The following CELF3 variants were observed in gnomAD, a reference collection of about 807,000 sequenced individuals.
The protein encoded by CELF3 is CAG repeat domain.
In CELF3, 26 loss-of-function variants were observed where a neutral mutation model predicts 59.6. The observed-to-expected ratio is 0.44, with a 90% CI of 0.32 to 0.61. The LOEUF (loss-of-function observed/expected upper bound fraction) is 0.61. Among genes scored for constraint, CELF3 ranks in the 20% least tolerant of loss-of-function variants. The pLI, the probability that CELF3 is intolerant of heterozygous loss-of-function variation, is 0.06. For missense variants in CELF3, 387 were observed against 627.2 expected, an observed-to-expected ratio of 0.62 and a Z score of 4.09; for synonymous variants, 245 against 250.7, an observed-to-expected ratio of 0.98 and a Z score of 0.22.
rs560544388 is a variant in CELF3 at position 151,708,876 on chromosome 1, C to G, written c.486+122G>C. 1.2e-5 allele frequency: 11 copies of G among 892,832 alleles called. 1 individual carries two copies. In the South Asian group the frequency reaches 1.8e-4, roughly 15 times the overall value. 55.3% of individuals were successfully genotyped at this position (892,832 alleles called of 1,614,324 possible). The stretch of plus-strand genomic sequence containing the variant: ...TCCCTAAGCAGTTTGGTTCTTCTGC[C>G]AGGACATTCCTTTCCAATAAATTCA... On this transcript the variant is annotated intron_variant, in intron 5 of 12. Transcript: ENST00000290583.
intron 7 of CELF3, 37 bp downstream of exon 7, chr1:151,707,470 T>C (rs750143562): frequency 1.2e-6 from 2 of 1,607,734 alleles, no homozygotes; most frequent in South Asian, 1.1e-5. Context: ...ACCCCTACCA[T>C]GCTTAGCTCC....
chr1:151,714,487 G>A (rs762094967), intron 2 of CELF3, 107 bp downstream of exon 2: 2 of 798,840 alleles, frequency 2.5e-6, no homozygotes, highest in Admixed American at 4.0e-5. Context: ...GGACTTCCTG[G>A]TGATGAGAGG....
rs1166025626 is a variant in CELF3, at chr1:151,709,498, A to G, written c.278-150T>C. ...GGGGCTGATGGTTGGGGAATGGGGT[A>G]TAGTTGCAGAGGGTGCTCATCCCAG... is the stretch of plus-strand genomic sequence containing the variant. On this transcript the variant is annotated intron_variant, in intron 3 of 12. Transcript: ENST00000290583. The surrounding 1 kb of genome is among the most constrained non-coding windows in gnomAD (Gnocchi z 4.9). 1.7e-6 allele frequency: 2 copies of G among 1,165,960 alleles called. No homozygotes were observed. Among genetic ancestry groups the G allele is most frequent in the East Asian group, 2.4e-5 (1 of 42,422 alleles). 72.2% of individuals were successfully genotyped at this position (1,165,960 alleles called of 1,614,324 possible). A position where few individuals can be genotyped will look rare whatever the true frequency, so the allele number is the denominator to read the frequency against.
At chr1:151,707,075 T>C (rs1349960690) in intron 8 of CELF3, 70 bp downstream of exon 8, 4 of 1,395,038 alleles carry the variant, frequency 2.9e-6, no homozygotes, top group Non-Finnish European at 3.8e-6. Flanking sequence ...GGAAGGTGTG[T>C]CCTGCCTCCC....
chr1:151,704,019 C>G (rs1234020789), intron 12 of CELF3, among the ~76,000 whole-genome samples: 1 of 152,168 alleles, frequency 6.6e-6, no homozygotes, highest in Non-Finnish European at 1.5e-5. Context: ...GCACGTCCCG[C>G]GAGCTGCCCC....
chr1:151,701,535 A>T lies in CELF3; in HGVS notation c.*1924T>A, dbSNP rs886206595. On this transcript the variant is annotated 3_prime_UTR_variant, in exon 13 of 13. Coordinates refer to ENST00000290583, the MANE Select transcript of CELF3 (RefSeq NM_007185.7). ...CTTTGGAATCTGACAAACTGGGTTC[A>T]ACTCCTACAGCCATGCCTTACTGGC... 2.0e-5 allele frequency among the ~76,000 whole-genome samples: 3 copies of T among 152,196 alleles called. No homozygotes were observed. The highest frequency in any genetic ancestry group is 4.4e-5 in the Non-Finnish European group (3 of 68,030).
chr1:151,704,568 C>G (rs1672350727), intron 12 of CELF3, among the ~76,000 whole-genome samples: 1 of 152,154 alleles, frequency 6.6e-6, no homozygotes, highest in South Asian at 2.1e-4. Context: ...GGGCTGATGT[C>G]CTCACTTCTC....
At position 151,709,681 on chromosome 1, in the gene CELF3, A is replaced by C. The variant is rs1672854420; in HGVS notation, c.277+62T>G. The C allele has an allele frequency of 6.6e-7, 1 of 1,509,982 alleles. No individual in the cohort carries two copies. 93.5% of individuals were successfully genotyped at this position (1,509,982 alleles called of 1,614,324 possible). A position where few individuals can be genotyped will look rare whatever the true frequency, so the allele number is the denominator to read the frequency against. ...CCTCAAGAAAGGCTACCCCTCGACAACTCCAGGCCCTGGGCCTGGGGGTGG... is the reference window on the plus strand; with the variant it reads ...CCTCAAGAAAGGCTACCCCTCGACACCTCCAGGCCCTGGGCCTGGGGGTGG... On this transcript the variant is annotated intron_variant, in intron 3 of 12. Transcript: ENST00000290583. This position sits in a 1 kb window ranked among gnomAD's most constrained non-coding sequence, Gnocchi z 4.9.
At chr1:151,708,893 A>G in intron 5 of CELF3, 105 bp downstream of exon 5, 2 of 1,036,712 alleles carry the variant, frequency 1.9e-6, no homozygotes, top group Non-Finnish European at 2.9e-6. Context: ...TTCCTTTCCA[A>G]TAAATTCAAA....
Position 151,707,311 on chromosome 1 carries a change from G to T in CELF3, c.773-17C>A. Reference sequence around the variant, plus strand: ...TGCTGGTTCCTGGGGAGGAGAAAGCGACAGGGAGAGAGCAGAGGAGCAGAC... The same window carrying T: ...TGCTGGTTCCTGGGGAGGAGAAAGCTACAGGGAGAGAGCAGAGGAGCAGAC... On this transcript the variant is annotated splice_polypyrimidine_tract_variant and intron_variant, in intron 7 of 12. Transcript: ENST00000290583. 6.4e-7 allele frequency: 1 copy of T among 1,566,004 alleles called. No individual in the cohort carries two copies. Among genetic ancestry groups the T allele is most frequent in the South Asian group, 1.2e-5 (1 of 85,238 alleles).
chr1:151,704,784 T>G (rs1035584387), intron 12 of CELF3, among the ~76,000 whole-genome samples: 1 of 151,446 alleles, frequency 6.6e-6, no homozygotes, highest in African/African-American at 2.4e-5. Context: ...ATACAAAGAC[T>G]TGGCTCTTTC....
chr1:151,715,846 G>T (rs780023510), intron 1 of CELF3, 30 bp downstream of exon 1: 1 of 1,423,708 alleles, frequency 7.0e-7, no homozygotes, highest in Non-Finnish European at 9.5e-7. Flanking sequence ...AGCCCACCCC[G>T]AAGCCTCTTC....
intron 2 of CELF3, among the ~76,000 whole-genome samples, chr1:151,713,848 G>T (rs996539984): frequency 3.3e-5 from 5 of 152,236 alleles, no homozygotes; most frequent in Admixed American, 2.6e-4. Context: ...CCATGGAAGG[G>T]CTTGGGACAA....
chr1:151,711,265 G>T, intron 2 of CELF3: 1 of 184,828 alleles, frequency 5.4e-6, no homozygotes, highest in South Asian at 1.2e-4. Context: ...CCTGTGTGTG[G>T]CATCACTTAG....
intron 2 of CELF3, chr1:151,711,502 C>T (rs1032542686): frequency 6.8e-6 from 1 of 146,498 alleles, no homozygotes; most frequent in East Asian, 2.1e-4. Flanking sequence ...GGGTAACAGT[C>T]ATACAAATCC....
At position 151,714,510 on chromosome 1, in the gene CELF3, T is replaced by C. The variant is rs1024704380; in HGVS notation, c.228+84A>G. The C allele has an allele frequency of 5.2e-6, 5 of 960,822 alleles. No homozygotes were observed. The African/African-American group carries it at 6.5e-5, about 12-fold the overall frequency. The allele number at this position is 960,822 out of a possible 1,614,324, so 59.5% of individuals were successfully genotyped here. A position where few individuals can be genotyped will look rare whatever the true frequency, so the allele number is the denominator to read the frequency against. ...TGGTGATGAGAGGAGGTGGAAATTATGCTCAGTGTCAGGAGGGTGGTGAGC... is the reference window on the plus strand; with the variant it reads ...TGGTGATGAGAGGAGGTGGAAATTACGCTCAGTGTCAGGAGGGTGGTGAGC... On this transcript the variant is annotated intron_variant, in intron 2 of 12. Transcript: ENST00000290583.
chr1:151,703,010 A>G lies in CELF3; in HGVS notation c.*449T>C, dbSNP rs3790508. The G allele has an allele frequency of 0.12, 43,331 of 353,226 alleles. 3,028 individuals carry two copies. Among genetic ancestry groups the G allele is most frequent in the East Asian group, 0.17 (2,286 of 13,398 alleles). 21.9% of individuals were successfully genotyped at this position (353,226 alleles called of 1,614,324 possible). A position where few individuals can be genotyped will look rare whatever the true frequency, so the allele number is the denominator to read the frequency against. On this transcript the variant is annotated 3_prime_UTR_variant, in exon 13 of 13. Transcript: ENST00000290583. ...GGAGGGGAGTGAGAGCCAGCTTCCA[A>G]GAAACCCCTAATGTGGGGAAGAGGC... is the stretch of plus-strand genomic sequence containing the variant.
At position 151,703,150 on chromosome 1, in the gene CELF3, GC is replaced by G. The variant is rs1315486322; in HGVS notation, c.*308del. ...CAAGTACAAACGCTGGGTACAGAAG[GC>G]CTGTCACAGGAGCCCAGCAGAAGGC... On this transcript the variant is annotated 3_prime_UTR_variant, in exon 13 of 13. Transcript: ENST00000290583. 1 of 460,682 alleles carries G rather than the reference GC, an allele frequency of 2.2e-6. No homozygotes were observed. The highest frequency in any genetic ancestry group is 4.4e-6 in the Non-Finnish European group (1 of 229,512). 28.5% of individuals were successfully genotyped at this position (460,682 alleles called of 1,614,324 possible).
Position 151,707,831 on chromosome 1 carries a change from G to T in CELF3, c.591C>A (p.Ile197=), listed in dbSNP as rs376071987. Residue 197 remains isoleucine, a synonymous_variant, in exon 6 of 13, where the codon ATC becomes ATA. Coordinates refer to ENST00000290583, the MANE Select transcript of CELF3 (RefSeq NM_007185.7). ...CGCTGTAGGCTCCAAACTGGAGGGC[G>T]ATGGGGCTGAACATGCCCAACTGGG... ...VATQLGMFSP[I]ALQFGAYSAY... 6.2e-7 allele frequency: 1 copy of T among 1,613,748 alleles called. No individual in the cohort carries two copies. Among genetic ancestry groups the T allele is most frequent in the African/African-American group, 1.3e-5 (1 of 74,932 alleles).
Sources: allele counts gnomAD v4.1 joint callset (sites outside exome capture counted in the v4.1 genomes callset), GRCh38; gene constraint gnomAD v4.1.1; non-coding constraint Gnocchi (gnomAD v3.1); transcripts MANE v1.5; gene names NCBI Gene and HGNC (gene_info 2026-07-23, HGNC 2026-07-21).